NDE1: variants seen among roughly 807,000 people sequenced by gnomAD.
NDE1 encodes the protein nudE neurodevelopment protein 1, also known as nuclear distribution protein nudE homolog 1.
A neutral mutation model predicts 43.4 loss-of-function variants in NDE1; 28 were observed. The observed-to-expected ratio is 0.65, with a 90% CI of 0.48 to 0.89. NDE1 has a LOEUF of 0.89. NDE1 is among the 40% of genes least tolerant of loss of function. The probability of loss-of-function intolerance (pLI) is 0.00; values close to 1 mark genes in which losing one functional copy is unlikely to be tolerated. For missense variants in NDE1, 441 were observed against 434.1 expected (o/e 1.02, Z -0.14); for synonymous variants, 184 against 172.0 (o/e 1.07, Z -0.55).
At chr16:15,646,688 A>C (rs916914293), upstream of NDE1, among the ~76,000 whole-genome samples, 2 of 151,922 alleles carry the variant, frequency 1.3e-5, no homozygotes, top group African/African-American at 4.8e-5. Context: ...CCGAGATCGC[A>C]CCACTGCACT....
rs746491351 is a variant in NDE1, at chr16:15,719,225, C to T, written c.948-4966C>T. ...TCCTCCATTCAGTTTCCTACCTTCCCGACAGGCTACTGGCCAGCTCCTCTG... is the reference window on the plus strand; with the variant it reads ...TCCTCCATTCAGTTTCCTACCTTCCTGACAGGCTACTGGCCAGCTCCTCTG... On this transcript the variant is annotated intron_variant, in intron 8 of 8. Transcript: ENST00000396354. The T allele has an allele frequency of 1.7e-5, 27 of 1,613,544 alleles. No homozygotes were observed. In the Admixed American group the frequency reaches 1.8e-4, roughly 11 times the overall value.
At chr16:15,678,714 A>G (rs761991663) in intron 4 of NDE1, among the ~76,000 whole-genome samples, 17 of 152,172 alleles carry the variant, frequency 1.1e-4, no homozygotes, top group Non-Finnish European at 2.1e-4. Flanking sequence ...AATTACTCTC[A>G]GCCAAGCAGT....
At chr16:15,695,435 G>C in intron 7 of NDE1, 1 of 927,976 alleles carries the variant, frequency 1.1e-6, no homozygotes, top group Non-Finnish European at 1.3e-6. Context: ...TTGAATCCGG[G>C]AGGCGGAGGT....
chr16:15,698,270 A>G (rs1001026322), intron 8 of NDE1, among the ~76,000 whole-genome samples: 6 of 152,098 alleles, frequency 3.9e-5, no homozygotes, highest in Non-Finnish European at 5.9e-5. Flanking sequence ...AGTGGCTCAC[A>G]CTTGTAATCC....
chr16:15,665,513 T>C (rs1466452902), intron 2 of NDE1, among the ~76,000 whole-genome samples: 3 of 151,898 alleles, frequency 2.0e-5, no homozygotes, highest in Non-Finnish European at 2.9e-5. Context: ...GGTGCCATCT[T>C]GGCTCACTGC....
At chr16:15,721,737 G>A in intron 8 of NDE1, 2 of 1,235,878 alleles carry the variant, frequency 1.6e-6, no homozygotes, top group Non-Finnish European at 2.4e-6. Context: ...ATGTATTGAG[G>A]TGCAGGTGTA....
At chr16:15,676,302 C>T (rs1312580235) in intron 3 of NDE1, among the ~76,000 whole-genome samples, 1 of 149,528 alleles carries the variant, frequency 6.7e-6, no homozygotes, top group Non-Finnish European at 1.5e-5. Flanking sequence ...CTCCGCCTCC[C>T]GTGTTCAAGC....
rs929526503 is a variant in NDE1, at chr16:15,667,271, A to G, written c.84-15A>G. Reference sequence around the variant, plus strand: ...CAAAAATATTACTACGTGATGATTAACAATTTTGCTGTAGGGCAGAAAATA... The same window carrying G: ...CAAAAATATTACTACGTGATGATTAGCAATTTTGCTGTAGGGCAGAAAATA... On this transcript the variant is annotated splice_polypyrimidine_tract_variant and intron_variant, in intron 2 of 8. Coordinates refer to ENST00000396354, the MANE Select transcript of NDE1 (RefSeq NM_017668.3). 1 of 1,613,982 alleles carries G rather than the reference A, an allele frequency of 6.2e-7. No homozygotes were observed. The highest frequency in any genetic ancestry group is 1.3e-5 in the African/African-American group (1 of 74,932).
At chr16:15,700,595 G>C (rs1032215944) in intron 8 of NDE1, 8 of 151,668 alleles carry the variant, frequency 5.3e-5, no homozygotes. Context: ...GGGACTACAG[G>C]AGTGTGCCAC....
At chr16:15,718,573 G>T in intron 8 of NDE1, 1 of 1,314,480 alleles carries the variant, frequency 7.6e-7, no homozygotes, top group Non-Finnish European at 1.0e-6. Flanking sequence ...AAGATTAGAA[G>T]ACTCATCTGT....
intron 8 of NDE1, among the ~76,000 whole-genome samples, chr16:15,705,216 A>C (rs976449649): frequency 2.6e-5 from 4 of 152,210 alleles, no homozygotes; most frequent in African/African-American, 9.7e-5. Flanking sequence ...TCCTGGCCTC[A>C]AACGATCCAC....
chr16:15,686,854 A>G, intron 4 of NDE1: 1 of 479,774 alleles, frequency 2.1e-6, no homozygotes, highest in Non-Finnish European at 2.7e-6. Context: ...ACAACTGGCT[A>G]ATTTTTGTAT....
intron 8 of NDE1, among the ~76,000 whole-genome samples, chr16:15,707,047 A>T (rs1392625066): frequency 6.6e-6 from 1 of 151,472 alleles, no homozygotes; most frequent in Non-Finnish European, 1.5e-5. Context: ...AGAATCTGGA[A>T]TTTTTTTTTG....
At position 15,681,667 on chromosome 16, in the gene NDE1, C is replaced by G. The variant is rs1335027990; in HGVS notation, c.386+3718C>G. Among the ~76,000 whole-genome samples the G allele has an allele frequency of 5.3e-5, 8 of 152,042 alleles. No homozygotes were observed. The East Asian group carries it at 1.5e-3, about 29-fold the overall frequency. On this transcript the variant is annotated intron_variant, in intron 4 of 8. Transcript: ENST00000396354. ...TGAATGGACAGTATTGGGAGTTTGT[C>G]ATTTGTTTCCAGCTTTGTCTGATGT...
At chr16:15,655,018 GTTTA>G (rs944711246) in intron 1 of NDE1, among the ~76,000 whole-genome samples, 6 of 151,768 alleles carry the variant, frequency 4.0e-5, no homozygotes, top group Admixed American at 6.6e-5. Flanking sequence ...TTTTCATGTT[GTTTA>G]TTTATTTATT....
At chr16:15,677,048 C>T (rs1596588605) in intron 3 of NDE1, among the ~76,000 whole-genome samples, 2 of 152,058 alleles carry the variant, frequency 1.3e-5, no homozygotes, top group Admixed American at 1.3e-4. Context: ...TGAGAGTAGG[C>T]AAGATTCAAG....
chr16:15,681,593 T>G (rs1733909985), intron 4 of NDE1, among the ~76,000 whole-genome samples: 1 of 151,982 alleles, frequency 6.6e-6, no homozygotes, highest in African/African-American at 2.4e-5. Flanking sequence ...TTGTTCGTTG[T>G]TTTTTTTCCC....
chr16:15,717,689 G>C (rs1216013358), intron 8 of NDE1: 1 of 394,278 alleles, frequency 2.5e-6, no homozygotes, highest in African/African-American at 2.0e-5. Context: ...CCAGCTACTT[G>C]GGAGGTTGAA....
chr16:15,719,512 A>C, intron 8 of NDE1: 1 of 1,607,524 alleles, frequency 6.2e-7, no homozygotes, highest in Non-Finnish European at 8.5e-7. Context: ...CTGGGAATGC[A>C]CAGACTGGAG....
Sources: allele counts gnomAD v4.1 joint callset (sites outside exome capture counted in the v4.1 genomes callset), GRCh38; gene constraint gnomAD v4.1.1; transcripts MANE v1.5; gene names NCBI Gene and HGNC (gene_info 2026-07-23, HGNC 2026-07-21).